The following KNDC1 variants were observed in gnomAD, a reference collection of about 807,000 sequenced individuals.
KNDC1 encodes kinase non-catalytic C-lobe domain containing 1, also known as kinase non-catalytic C-lobe domain-containing protein 1.
A neutral mutation model predicts 172.8 loss-of-function variants in KNDC1; 106 were observed. That is an observed-to-expected ratio of 0.61 (90% CI 0.52 to 0.72). The LOEUF (loss-of-function observed/expected upper bound fraction) is 0.72. KNDC1 is among the 30% of genes least tolerant of loss of function. The pLI, the probability that KNDC1 is intolerant of heterozygous loss-of-function variation, is 0.00. For missense variants in KNDC1, 2,325 were observed against 2,394.5 expected (o/e 0.97, Z 0.61); for synonymous variants, 1,083 against 1,062.2 (o/e 1.02, Z -0.38).
At chr10:133,210,860 G>C in intron 21 of KNDC1, 136 bp downstream of exon 21, 1 of 761,506 alleles carries the variant, frequency 1.3e-6, no homozygotes, top group Non-Finnish European at 2.3e-6. Context: ...AGGGAAGCCT[G>C]GCTGGAGGTC....
intron 1 of KNDC1, 38 bp from the exon 2 acceptor site, chr10:133,167,343 G>T (rs1357191891): frequency 1.3e-6 from 2 of 1,527,702 alleles, no homozygotes; most frequent in Non-Finnish European, 8.8e-7. Flanking sequence ...CCTGGCTGGG[G>T]GTCCTGCCGG....
chr10:133,184,394 A>G (rs1432021248), intron 5 of KNDC1, among the ~76,000 whole-genome samples: 2 of 68,264 alleles, frequency 2.9e-5, no homozygotes, highest in East Asian at 2.7e-4. Flanking sequence ...GCGCACACAC[A>G]CGCACACACG....
At chr10:133,198,537 C>T (rs762928162) in intron 13 of KNDC1, 38 bp downstream of exon 13, 72 of 1,580,466 alleles carry the variant, frequency 4.6e-5, no homozygotes, top group Middle Eastern at 1.7e-4. Context: ...TGCTGGGTCC[C>T]GGGCGCAGGC....
At chr10:133,204,541 C>G (rs1854469970) in intron 17 of KNDC1, among the ~76,000 whole-genome samples, 1 of 152,234 alleles carries the variant, frequency 6.6e-6, no homozygotes, top group East Asian at 1.9e-4. Context: ...GAGCCTGGCC[C>G]TCCGTGGCAC....
Position 133,213,737 on chromosome 10 carries a change from C to T in KNDC1, c.4526+10C>T, listed in dbSNP as rs200319062. ...GCACTGCCATCCCCAAGTGAGCGTCCGGGACCCTCAGCTGGGAGCGGTGGT... is the reference window on the plus strand; with the variant it reads ...GCACTGCCATCCCCAAGTGAGCGTCTGGGACCCTCAGCTGGGAGCGGTGGT... On this transcript the variant is annotated intron_variant, in intron 25 of 29. Transcript: ENST00000304613. 222 of 1,613,194 alleles carry T rather than the reference C, an allele frequency of 1.4e-4. No homozygotes were observed. The highest frequency in any genetic ancestry group is 3.3e-4 in the Middle Eastern group (2 of 6,082).
At position 133,189,753 on chromosome 10, in the gene KNDC1, T is replaced by C. The variant is rs1164864684; in HGVS notation, c.1515T>C (p.Gly505=). 4 of 1,613,918 alleles carry C rather than the reference T, an allele frequency of 2.5e-6. No homozygotes were observed. The African/African-American group carries it at 4.0e-5, about 16-fold the overall frequency. ...AGCTCAGTCGGGTTTCTCTCTTAGGTTCCTATGACTCGTTCTTTCTGGCTC... is the reference window on the plus strand; with the variant it reads ...AGCTCAGTCGGGTTTCTCTCTTAGGCTCCTATGACTCGTTCTTTCTGGCTC... ...AVLFQPPPAN[G]SYDSFFLAPE... The change falls in exon 9 of 30, where the codon GGT becomes GGC. Residue 505 remains glycine, a splice_region_variant and synonymous_variant. Transcript: ENST00000304613.
chr10:133,188,264 G>A (rs1458530193), intron 6 of KNDC1, among the ~76,000 whole-genome samples: 4 of 152,194 alleles, frequency 2.6e-5, no homozygotes, highest in Non-Finnish European at 5.9e-5. Context: ...CCTGGGAGGT[G>A]TATGTTGAGC....
At chr10:133,221,161 G>T (rs1336017281) in intron 29 of KNDC1, among the ~76,000 whole-genome samples, 1 of 152,194 alleles carries the variant, frequency 6.6e-6, no homozygotes, top group East Asian at 1.9e-4. Flanking sequence ...GCAGCAACCT[G>T]TCCTGACCGC....
At position 133,197,063 on chromosome 10, in the gene KNDC1, C is replaced by T. The variant is rs142706564; in HGVS notation, c.1740C>T (p.Cys580=). The T allele has an allele frequency of 1.7e-4, 270 of 1,612,590 alleles. No homozygotes were observed. The African/African-American group carries it at 3.1e-3, about 18-fold the overall frequency. The part of the protein sequence containing the change: ...RPSAAEAIKV[C]GSYLLQRGMD... The stretch of plus-strand genomic sequence containing the variant: ...GAACTGTCTCCTCCCTCCAGGTGTG[C>T]GGCAGCTACCTCCTCCAGCGAGGCA... The change falls in exon 11 of 30, where the codon TGC becomes TGT. Residue 580 remains cysteine (C), a synonymous_variant. Coordinates refer to ENST00000304613, the MANE Select transcript of KNDC1 (RefSeq NM_152643.8).
chr10:133,201,476 G>T, intron 16 of KNDC1, 25 bp from the exon 17 acceptor site: 1 of 1,566,862 alleles, frequency 6.4e-7, no homozygotes, highest in Non-Finnish European at 8.6e-7. Context: ...CACTGTCCAC[G>T]TAACCTGCGT....
At chr10:133,202,525 C>G (rs1214520842) in intron 17 of KNDC1, 4 of 434,896 alleles carry the variant, frequency 9.2e-6, no homozygotes, top group East Asian at 1.4e-4. Context: ...TCGAGAGCCC[C>G]GGGACTCCAG....
At position 133,224,278 on chromosome 10, in the gene KNDC1, G is replaced by A. The variant is rs765894283; in HGVS notation, c.5019-381G>A. ...AGGCTTCCGGCCCTGGGCCCCGGCC[G>A]TGGCGATTCCCAGGTGTGAATGTGA... On this transcript the variant is annotated intron_variant, in intron 29 of 29. Transcript: ENST00000304613. The surrounding 1 kb of genome is among the most constrained non-coding windows in gnomAD (Gnocchi z 5.4). Among the ~76,000 whole-genome samples the A allele has an allele frequency of 1.5e-4, 23 of 152,196 alleles. No individual in the cohort carries two copies. Among genetic ancestry groups the A allele is most frequent in the Non-Finnish European group, 2.5e-4 (17 of 68,040 alleles).
rs564949703 is a variant in KNDC1 at position 133,219,031 on chromosome 10, G to T, written c.4801G>T (p.Ala1601Ser). 6.2e-7 allele frequency: 1 copy of T among 1,614,012 alleles called. No individual in the cohort carries two copies. Among genetic ancestry groups the T allele is most frequent in the African/African-American group, 1.3e-5 (1 of 75,074 alleles). ...AGGCTCACCTGTGCTTTCATTTCAGGCCTGGAGAATTCTGCCTGCAAAGAT... is the reference window on the plus strand; with the variant it reads ...AGGCTCACCTGTGCTTTCATTTCAGTCCTGGAGAATTCTGCCTGCAAAGAT... ...LEHLAVRQSPAWRILPAKIAE... is the reference protein window; with the variant it reads ...LEHLAVRQSPSWRILPAKIAE... The change falls in exon 28 of 30, where the codon GCC becomes TCC. Residue 1601 changes from alanine (A) to serine (S), a missense_variant and splice_region_variant. Transcript: ENST00000304613.
rs771429339 is a variant in KNDC1, at chr10:133,207,322, G to A, written c.3765G>A (p.Pro1255=). The A allele has an allele frequency of 1.4e-5, 23 of 1,612,656 alleles. No homozygotes were observed. The East Asian group carries it at 2.2e-4, about 16-fold the overall frequency. The change falls in exon 20 of 30, where the codon CCG becomes CCA. Residue 1255 remains proline (P), a synonymous_variant. Coordinates refer to ENST00000304613, the MANE Select transcript of KNDC1 (RefSeq NM_152643.8). Reference sequence around the variant, plus strand: ...CCCGCATCCTGCAGGCCGGCACGCCGCTGGGGCTCATGGCCTACCTGTACT... The same window carrying A: ...CCCGCATCCTGCAGGCCGGCACGCCACTGGGGCTCATGGCCTACCTGTACT... The part of the protein sequence containing the change: ...QKARILQAGT[P]LGLMAYLYSS...
Position 133,211,661 on chromosome 10 carries a change from C to T in KNDC1, c.4057-18C>T. 1 of 1,590,772 alleles carries T rather than the reference C, an allele frequency of 6.3e-7. No individual in the cohort carries two copies. On this transcript the variant is annotated intron_variant, in intron 22 of 29. Coordinates refer to ENST00000304613, the MANE Select transcript of KNDC1 (RefSeq NM_152643.8). ...CAGAAGGTGGCAGTGACCCCCCCACCACTGTGCTTCTGCCTAGATCCTACC... is the reference window on the plus strand; with the variant it reads ...CAGAAGGTGGCAGTGACCCCCCCACTACTGTGCTTCTGCCTAGATCCTACC...
intron 17 of KNDC1, 77 bp from the exon 18 acceptor site, chr10:133,206,608 G>A: frequency 8.4e-7 from 1 of 1,186,788 alleles, no homozygotes; most frequent in East Asian, 2.3e-5. Context: ...AGGCCCCAGT[G>A]GGGTGGGGCC....
In KNDC1 at chr10:133,188,770, A is replaced by G. The variant is rs146296312; in HGVS notation, c.1441+117A>G. 9 of 443,630 alleles carry G rather than the reference A, an allele frequency of 2.0e-5. No individual in the cohort carries two copies. In the African/African-American group the frequency reaches 3.3e-4, roughly 16 times the overall value. 27.5% of individuals were successfully genotyped at this position (443,630 alleles called of 1,614,324 possible). On this transcript the variant is annotated intron_variant, in intron 7 of 29. Coordinates refer to ENST00000304613, the MANE Select transcript of KNDC1 (RefSeq NM_152643.8). ...CCCCCACACCGTCCCACGCCCCCCC[A>G]CTGTCCCATCACCCCTGCCGTCCCA...
chr10:133,215,115 T>A (rs2136027428), intron 26 of KNDC1, among the ~76,000 whole-genome samples: 1 of 152,306 alleles, frequency 6.6e-6, no homozygotes, highest in South Asian at 2.1e-4. Flanking sequence ...ACAGGGCCCC[T>A]TCCCCCACAG....
Position 133,225,213 on chromosome 10 carries a change from A to G in KNDC1, c.*323A>G, listed in dbSNP as rs923625938. 2 of 328,478 alleles carry G rather than the reference A, an allele frequency of 6.1e-6. No homozygotes were observed. Among genetic ancestry groups the G allele is most frequent in the East Asian group, 8.2e-5 (1 of 12,192 alleles). 20.3% of individuals were successfully genotyped at this position (328,478 alleles called of 1,614,324 possible). ...GCCTGTCTGCGCCTCTCACACACAG[A>G]TAAGTGGCTCTTACCCAGCTCTCAG... On this transcript the variant is annotated 3_prime_UTR_variant, in exon 30 of 30. Coordinates refer to ENST00000304613, the MANE Select transcript of KNDC1 (RefSeq NM_152643.8).
Sources: gnomAD v4.1 joint callset for allele counts (sites outside exome capture counted in the v4.1 genomes callset) on GRCh38, gnomAD v4.1.1 for gene constraint, Gnocchi (gnomAD v3.1) non-coding constraint, MANE v1.5 for transcripts, NCBI Gene and HGNC (gene_info 2026-07-23, HGNC 2026-07-21) for gene names.